Variants in VPS26C observed in about 807,000 individuals in gnomAD.
VPS26C encodes VPS26 endosomal protein sorting factor C, also known as vacuolar protein sorting-associated protein 26C.
Under a neutral mutation model 30.6 loss-of-function variants are expected in VPS26C, and 19 were observed. That is an observed-to-expected ratio of 0.62 (90% confidence interval 0.43 to 0.91). The LOEUF is 0.91. Ranked by LOEUF, VPS26C falls within the 40% of genes least tolerant of loss-of-function variation. The pLI, the probability that VPS26C is intolerant of heterozygous loss-of-function variation, is 0.00. For synonymous variants in VPS26C, 132 were observed against 151.5 expected (o/e 0.87, Z 0.95); for missense variants, 318 against 385.1 (o/e 0.83, Z 1.46).
intron 1 of VPS26C, among the ~76,000 whole-genome samples, chr21:37,255,851 A>ATTTTTT (rs375877407): frequency 0.017 from 1,895 of 108,344 alleles, 283 homozygotes; most frequent in African/African-American, 0.07. Context: ...TATGCACTGC[A>ATTTTTT]TTTTTTTTTT....
At position 37,224,121 on chromosome 21, in the gene VPS26C, G is replaced by C. The variant is rs568686885; in HGVS notation, c.*1423C>G. On this transcript the variant is annotated 3_prime_UTR_variant, in exon 8 of 8. Coordinates refer to ENST00000309117, the MANE Select transcript of VPS26C (RefSeq NM_006052.2). ...GGACCTTTTCCTGCTACCACCTTGCGGAGAGGGGCCTTCACCAGCCCACCC... is the reference window on the plus strand; with the variant it reads ...GGACCTTTTCCTGCTACCACCTTGCCGAGAGGGGCCTTCACCAGCCCACCC... The C allele has an allele frequency of 2.0e-5, 3 of 152,348 alleles. No homozygotes were observed. Among genetic ancestry groups the C allele is most frequent in the South Asian group, 4.1e-4 (2 of 4,828 alleles). 9.4% of individuals were successfully genotyped at this position (152,348 alleles called of 1,614,324 possible). A position where few individuals can be genotyped will look rare whatever the true frequency, so the allele number is the denominator to read the frequency against.
intron 3 of VPS26C, among the ~76,000 whole-genome samples, chr21:37,236,627 A>C (rs1009249140): frequency 6.6e-6 from 1 of 152,258 alleles, no homozygotes; most frequent in Non-Finnish European, 1.5e-5. Context: ...AAAAATCTAA[A>C]TTTTTAGGTG....
intron 1 of VPS26C, among the ~76,000 whole-genome samples, chr21:37,242,578 C>T (rs1207832115): frequency 6.6e-6 from 1 of 151,864 alleles, no homozygotes; most frequent in Admixed American, 6.6e-5. Flanking sequence ...AGAGTGAGAC[C>T]CTGTCTCAAA....
intron 3 of VPS26C, among the ~76,000 whole-genome samples, chr21:37,235,870 TATA>T (rs1214664259): frequency 5.1e-4 from 65 of 126,840 alleles, no homozygotes; most frequent in African/African-American, 1.8e-3. Context: ...TATATATATA[TATA>T]TATATATTTT....
chr21:37,236,228 G>A (rs1038178995), intron 3 of VPS26C, among the ~76,000 whole-genome samples: 1 of 152,148 alleles, frequency 6.6e-6, no homozygotes, highest in South Asian at 2.1e-4. Context: ...AGTGCGGGCC[G>A]AGGAGTGCTG....
At chr21:37,265,794 AGG>A (rs1035082167) in intron 1 of VPS26C, among the ~76,000 whole-genome samples, 10 of 152,004 alleles carry the variant, frequency 6.6e-5, no homozygotes, top group Admixed American at 1.3e-4. Context: ...CATCATGCCA[AGG>A]GGTACCGAAT....
chr21:37,228,321 C>T lies in VPS26C; in HGVS notation c.560G>A (p.Cys187Tyr). The T allele has an allele frequency of 6.2e-7, 1 of 1,614,228 alleles. No individual in the cohort carries two copies. Among genetic ancestry groups the T allele is most frequent in the South Asian group, 1.1e-5 (1 of 91,088 alleles). Residue 187 changes from cysteine to tyrosine, a missense_variant, in exon 6 of 8, where the codon TGT becomes TAT. Transcript: ENST00000309117. ...LLRGHLNSTN[C>Y]VITQPLTGEL... ...TCCCGTTAGTGGCTGCGTGATGACACAGTTTGTTGAGTTGAGATGTCCTCG... is the reference window on the plus strand; with the variant it reads ...TCCCGTTAGTGGCTGCGTGATGACATAGTTTGTTGAGTTGAGATGTCCTCG...
chr21:37,235,562 G>A (rs927514662), intron 3 of VPS26C, among the ~76,000 whole-genome samples: 4 of 152,194 alleles, frequency 2.6e-5, no homozygotes, highest in African/African-American at 4.8e-5. Context: ...TAGGATAAAC[G>A]CTTGCTAGCA....
chr21:37,247,140 T>C (rs1400039736), intron 1 of VPS26C, among the ~76,000 whole-genome samples: 3 of 152,206 alleles, frequency 2.0e-5, no homozygotes, highest in African/African-American at 4.8e-5. Flanking sequence ...GGACCTTCCA[T>C]TTCAAGTGTT....
chr21:37,244,366 T>C (rs2086116858), intron 1 of VPS26C, among the ~76,000 whole-genome samples: 1 of 152,242 alleles, frequency 6.6e-6, no homozygotes, highest in South Asian at 2.1e-4. Flanking sequence ...GCCTCCCAAG[T>C]AGCTGGGACT....
rs2086050121 is a variant in VPS26C at position 37,238,622 on chromosome 21, A to G, written c.202-13T>C. ...TAATCTGGATAGGCTGTAAACAAAA[A>G]TCAGTTCAGTCCATCAGCACACACT... On this transcript the variant is annotated splice_polypyrimidine_tract_variant and intron_variant, in intron 2 of 7. Coordinates refer to ENST00000309117, the MANE Select transcript of VPS26C (RefSeq NM_006052.2). The G allele has an allele frequency of 6.2e-7, 1 of 1,613,596 alleles. No individual in the cohort carries two copies. Among genetic ancestry groups the G allele is most frequent in the African/African-American group, 1.3e-5 (1 of 74,912 alleles).
intron 1 of VPS26C, among the ~76,000 whole-genome samples, chr21:37,265,910 C>CTTTTTTTTTT (rs59649054): frequency 3.9e-5 from 3 of 77,224 alleles, no homozygotes; most frequent in Non-Finnish European, 6.9e-5. Flanking sequence ...AGCTTTTTCT[C>CTTTTTTTTTT]TTTTTTTTTT....
rs1169711884 is a variant in VPS26C at position 37,238,464 on chromosome 21, A to G, written c.347T>C (p.Ile116Thr). ...GTAGGACTAGGAAGCTCTCACCTGAATGTTGACAAACACGCCATGATACGT... is the reference window on the plus strand; with the variant it reads ...GTAGGACTAGGAAGCTCTCACCTGAGTGTTGACAAACACGCCATGATACGT... ...YETYHGVFVN[I>T]QYTLRCDMKR... The change falls in exon 3 of 8, where the codon ATT becomes ACT. Residue 116 changes from isoleucine (I) to threonine (T), a missense_variant. Ile to Thr is a moderately conservative substitution (Grantham distance 89). Transcript: ENST00000309117. 6.2e-7 allele frequency: 1 copy of G among 1,613,948 alleles called. No individual in the cohort carries two copies.
chr21:37,239,841 G>T (rs568977980), intron 2 of VPS26C, among the ~76,000 whole-genome samples: 1 of 152,240 alleles, frequency 6.6e-6, no homozygotes, highest in Non-Finnish European at 1.5e-5. Context: ...CAGGTGATCT[G>T]TCTGCCTCAG....
At chr21:37,236,472 C>T (rs927778945) in intron 3 of VPS26C, among the ~76,000 whole-genome samples, 1 of 152,148 alleles carries the variant, frequency 6.6e-6, no homozygotes. Flanking sequence ...TTAATCAATA[C>T]TTGAGAATTT....
chr21:37,228,154 A>G, intron 6 of VPS26C, 69 bp downstream of exon 6: 1 of 1,567,014 alleles, frequency 6.4e-7, no homozygotes, highest in Non-Finnish European at 8.6e-7. Flanking sequence ...GCATCCTCTT[A>G]ACCATGGAAC....
rs930913500 is a variant in VPS26C at position 37,227,772 on chromosome 21, C to T, written c.693G>A (p.Glu231=). The part of the protein sequence containing the change: ...CAEGYARDAT[E]IQNIQIADGD... ...CGTCGGCGATCTGAATGTTCTGAAT[C>T]TCCGTGGCGTCGCGGGCATAGCCTT... The change falls in exon 7 of 8, where the codon GAG becomes GAA. Residue 231 remains glutamate, a synonymous_variant. Transcript: ENST00000309117. 4.8e-5 allele frequency: 78 copies of T among 1,614,060 alleles called. No homozygotes were observed. The highest frequency in any genetic ancestry group is 6.2e-5 in the Non-Finnish European group (73 of 1,180,056).
At position 37,240,396 on chromosome 21, in the gene VPS26C, A is replaced by C. The variant is rs964498750; in HGVS notation, c.201+100T>G. 8 of 1,374,870 alleles carry C rather than the reference A, an allele frequency of 5.8e-6. No individual in the cohort carries two copies. In the African/African-American group the frequency reaches 1.0e-4, roughly 17 times the overall value. The allele number at this position is 1,374,870 out of a possible 1,614,324, so 85.2% of individuals were successfully genotyped here. Reference sequence around the variant, plus strand: ...CGCCTTGGCCTCCCAAATTACTGAGATTACAGGCCTGAGCCACTGCGCCTG... The same window carrying C: ...CGCCTTGGCCTCCCAAATTACTGAGCTTACAGGCCTGAGCCACTGCGCCTG... On this transcript the variant is annotated intron_variant, in intron 2 of 7. Coordinates refer to ENST00000309117, the MANE Select transcript of VPS26C (RefSeq NM_006052.2).
At chr21:37,250,423 A>AT (rs767814128) in intron 1 of VPS26C, among the ~76,000 whole-genome samples, 1 of 152,156 alleles carries the variant, frequency 6.6e-6, no homozygotes, top group Non-Finnish European at 1.5e-5. Flanking sequence ...ATAGAGAATA[A>AT]TTTTTTTCAC....
Sources: gnomAD v4.1 joint callset for allele counts (sites outside exome capture counted in the v4.1 genomes callset) on GRCh38, gnomAD v4.1.1 for gene constraint, MANE v1.5 for transcripts, NCBI Gene and HGNC (gene_info 2026-07-23, HGNC 2026-07-21) for gene names.